The following NHERF1 variants were observed in gnomAD, a reference collection of about 807,000 sequenced individuals.
NHERF1 encodes the protein NHERF family PDZ scaffold protein 1.
chr17:74,769,222 A>G, the NHERF1 span: 1 of 153,354 alleles, frequency 6.5e-6, no homozygotes, highest in South Asian at 2.0e-4. Context: ...CCTCAGCCTT[A>G]AACTTTTGTT....
At chr17:74,749,084 C>A in the NHERF1 span, 1 of 1,589,572 alleles carries the variant, frequency 6.3e-7, no homozygotes. This position sits in a 1 kb window ranked among gnomAD's most constrained non-coding sequence, Gnocchi z 5.6. Flanking sequence ...GAGCCGCATC[C>A]GCGCCGCACT....
the NHERF1 span, chr17:74,768,903 G>T: frequency 1.9e-6 from 1 of 536,230 alleles, no homozygotes. Context: ...CATCCTACCG[G>T]GTGTCCCTTT....
At chr17:74,752,026 GC>G in the NHERF1 span, among the ~76,000 whole-genome samples, 2 of 152,318 alleles carry the variant, frequency 1.3e-5, no homozygotes, top group African/African-American at 4.8e-5. Context: ...AGTGATCATT[GC>G]ACACCTATCA....
At chr17:74,754,399 C>A in the NHERF1 span, among the ~76,000 whole-genome samples, 6 of 59,706 alleles carry the variant, frequency 1.0e-4, no homozygotes, top group East Asian at 4.1e-3. Context: ...TTCTTTCTTT[C>A]TTTTTTTTTT....
the NHERF1 span, chr17:74,763,405 C>T: frequency 4.6e-5 from 74 of 1,614,102 alleles, 1 homozygote; most frequent in South Asian, 7.4e-4. Flanking sequence ...AGCATGGGGA[C>T]GTGGTGTCCG....
At chr17:74,760,126 G>A in the NHERF1 span, among the ~76,000 whole-genome samples, 2 of 152,230 alleles carry the variant, frequency 1.3e-5, no homozygotes, top group African/African-American at 4.8e-5. This position sits in a 1 kb window ranked among gnomAD's most constrained non-coding sequence, Gnocchi z 4.5. Context: ...CGGCCCGGGG[G>A]AGGGCCTGGC....
chr17:74,766,179 G>GTTTT, the NHERF1 span, among the ~76,000 whole-genome samples: 131 of 151,744 alleles, frequency 8.6e-4, 1 homozygote, highest in African/African-American at 3.2e-3. Flanking sequence ...AGGTTTTTTG[G>GTTTT]TTTGTTTTTT....
At chr17:74,768,448 G>T in the NHERF1 span, 3 of 1,613,666 alleles carry the variant, frequency 1.9e-6, no homozygotes, top group Non-Finnish European at 2.5e-6. Context: ...CCAACTTCCT[G>T]CCCCCACTTC....
chr17:74,769,186 T>TTG, the NHERF1 span: 2 of 155,776 alleles, frequency 1.3e-5, no homozygotes, highest in Non-Finnish European at 2.8e-5. Context: ...ATTTTCCTGG[T>TTG]TGTTACATCC....
chr17:74,768,488 C>T, the NHERF1 span: 2 of 1,614,160 alleles, frequency 1.2e-6, no homozygotes, highest in East Asian at 2.2e-5. Context: ...AAGACAGCCC[C>T]CCAAAACAGG....
the NHERF1 span, chr17:74,768,610 C>G: frequency 4.3e-6 from 7 of 1,614,098 alleles, no homozygotes; most frequent in Admixed American, 8.3e-5. Context: ...AAACGGGCCC[C>G]GCAGATGGAC....
the NHERF1 span, among the ~76,000 whole-genome samples, chr17:74,764,433 T>G: frequency 6.6e-6 from 1 of 152,182 alleles, no homozygotes; most frequent in Non-Finnish European, 1.5e-5. The surrounding 1 kb of genome is among the most constrained non-coding windows in gnomAD (Gnocchi z 4.9). Context: ...GCTCTGGGCA[T>G]GGGAGGTGGG....
At chr17:74,763,441 C>G in the NHERF1 span, 1 of 1,613,950 alleles carries the variant, frequency 6.2e-7, no homozygotes, top group South Asian at 1.1e-5. Context: ...GGGACGAGAC[C>G]AAGCTGCTGG....
At chr17:74,763,349 C>T in the NHERF1 span, 2 of 1,609,454 alleles carry the variant, frequency 1.2e-6, no homozygotes, top group Admixed American at 3.3e-5. Flanking sequence ...GTAACGCCTC[C>T]CCGACCCTGC....
At chr17:74,762,034 G>T in the NHERF1 span, 1 of 1,613,988 alleles carries the variant, frequency 6.2e-7, no homozygotes, top group Non-Finnish European at 8.5e-7. This position sits in a 1 kb window ranked among gnomAD's most constrained non-coding sequence, Gnocchi z 4.2. Context: ...CCTCGGCTCT[G>T]TACCATGAAG....
At chr17:74,767,876 G>T in the NHERF1 span, 3 of 551,352 alleles carry the variant, frequency 5.4e-6, no homozygotes, top group Non-Finnish European at 1.0e-5. Flanking sequence ...GAGTGGCCCA[G>T]GGAGAGGGAG....
chr17:74,749,436 G>A, the NHERF1 span: 2 of 753,804 alleles, frequency 2.7e-6, no homozygotes, highest in Non-Finnish European at 4.1e-6. The surrounding 1 kb of genome is among the most constrained non-coding windows in gnomAD (Gnocchi z 5.6). Flanking sequence ...CGCCGACCAG[G>A]CGCCCTGACA....
the NHERF1 span, among the ~76,000 whole-genome samples, chr17:74,766,730 A>C: frequency 6.6e-6 from 1 of 152,124 alleles, no homozygotes; most frequent in Non-Finnish European, 1.5e-5. Context: ...ATCCTGCATG[A>C]CATGGCAAGG....
the NHERF1 span, among the ~76,000 whole-genome samples, chr17:74,756,646 C>G: frequency 6.6e-6 from 1 of 152,246 alleles, no homozygotes; most frequent in African/African-American, 2.4e-5. Context: ...CATTATATAT[C>G]TACTGGACAG....
Sources: gnomAD v4.1 joint callset for allele counts (sites outside exome capture counted in the v4.1 genomes callset) on GRCh38, gnomAD v4.1.1 for gene constraint, Gnocchi (gnomAD v3.1) non-coding constraint, MANE v1.5 for transcripts, NCBI Gene and HGNC (gene_info 2026-07-23, HGNC 2026-07-21) for gene names.